Variants in NPAT observed in about 807,000 individuals in gnomAD.
NPAT encodes protein NPAT.
In NPAT, 52 loss-of-function variants were observed where a neutral mutation model predicts 130.7. That is an observed-to-expected ratio of 0.40 (90% confidence interval 0.32 to 0.50). The LOEUF (loss-of-function observed/expected upper bound fraction) is 0.50, where lower values mean the gene tolerates loss of function less well. Among genes scored for constraint, NPAT ranks in the 20% least tolerant of loss-of-function variants. The probability of loss-of-function intolerance (pLI) is 0.68; values close to 1 mark genes in which losing one functional copy is unlikely to be tolerated. For synonymous variants in NPAT, 580 were observed against 584.8 expected (o/e 0.99, Z 0.12); for missense variants, 1,687 against 1,662.6 (o/e 1.01, Z -0.26).
intron 2 of NPAT, 60 bp downstream of exon 2, chr11:108,197,242 G>T: frequency 2.6e-6 from 3 of 1,159,310 alleles, no homozygotes; most frequent in South Asian, 1.2e-5. Context: ...CTGATTTTAT[G>T]ACTATGTTTT....
intron 1 of NPAT, among the ~76,000 whole-genome samples, chr11:108,200,349 T>C (rs746194822): frequency 6.6e-6 from 1 of 152,196 alleles, no homozygotes; most frequent in African/African-American, 2.4e-5. Flanking sequence ...CCCTTAGTTA[T>C]AGTTGAGGGG....
intron 1 of NPAT, 161 bp downstream of exon 1, chr11:108,222,339 C>T (rs1249128481): frequency 2.5e-6 from 2 of 786,220 alleles, no homozygotes; most frequent in Non-Finnish European, 4.4e-6. Context: ...GCTTAAACTG[C>T]CCAGAACCTC....
chr11:108,192,763 G>A (rs533613232), intron 3 of NPAT, among the ~76,000 whole-genome samples: 1 of 152,280 alleles, frequency 6.6e-6, no homozygotes, highest in South Asian at 2.1e-4. Context: ...AGACCAACCT[G>A]GCCAACATAG....
At chr11:108,206,052 C>G (rs187340136) in intron 1 of NPAT, among the ~76,000 whole-genome samples, 2 of 152,084 alleles carry the variant, frequency 1.3e-5, no homozygotes, top group Admixed American at 1.3e-4. Flanking sequence ...CTCAAAAATA[C>G]ATAAATAAAT....
intron 15 of NPAT, 83 bp from the exon 16 acceptor site, chr11:108,162,263 A>G: frequency 7.8e-7 from 1 of 1,279,846 alleles, no homozygotes. Context: ...ATCACATATC[A>G]TGAGAAAAAA....
chr11:108,206,052 CATAA>C (rs984730056), intron 1 of NPAT, among the ~76,000 whole-genome samples: 2 of 152,084 alleles, frequency 1.3e-5, no homozygotes, highest in African/African-American at 2.4e-5. Context: ...CTCAAAAATA[CATAA>C]ATAAATAAAT....
In NPAT at chr11:108,173,233, A is replaced by G. The variant is rs2077971811; in HGVS notation, c.1751T>C (p.Val584Ala). The change falls in exon 13 of 18, where the codon GTG becomes GCG. Residue 584 changes from valine to alanine, a missense_variant. Val to Ala is a moderately conservative substitution (Grantham distance 64, BLOSUM62 0). Transcript: ENST00000278612. ...EVHKSKIEIN[V>A]LEPVMSQLSN... Reference sequence around the variant, plus strand: ...TAGCTGTGACATAACTGGTTCTAACACATTAATTTCTATTTTACTCTTGTG... The same window carrying G: ...TAGCTGTGACATAACTGGTTCTAACGCATTAATTTCTATTTTACTCTTGTG... The G allele has an allele frequency of 6.2e-7, 1 of 1,613,130 alleles. No individual in the cohort carries two copies. The highest frequency in any genetic ancestry group is 8.5e-7 in the Non-Finnish European group (1 of 1,179,440).
Position 108,172,417 on chromosome 11 carries a change from G to A in NPAT, c.2567C>T (p.Thr856Ile). The A allele has an allele frequency of 1.9e-6, 3 of 1,614,140 alleles. No homozygotes were observed. The highest frequency in any genetic ancestry group is 2.5e-6 in the Non-Finnish European group (3 of 1,179,966). ...ATTTGAATTGCCAAAAGCTGTGCTT[G>A]TGGCTGGCATCAACTGTATATATCC... Reference protein sequence around the residue: ...DGGYIQLMPATSTAFGNSNNI... With the variant: ...DGGYIQLMPAISTAFGNSNNI... Residue 856 changes from threonine (T) to isoleucine (I), a missense_variant, in exon 13 of 18, where the codon ACA becomes ATA. By Grantham distance (89) the Thr-to-Ile change is moderately conservative. Coordinates refer to ENST00000278612, the MANE Select transcript of NPAT (RefSeq NM_002519.3).
chr11:108,177,719 C>CTTT (rs11330167), intron 10 of NPAT, among the ~76,000 whole-genome samples: 2 of 151,062 alleles, frequency 1.3e-5, no homozygotes, highest in African/African-American at 2.4e-5. Flanking sequence ...ATAAAGTTCC[C>CTTT]TTTTTTTTTG....
intron 12 of NPAT, among the ~76,000 whole-genome samples, chr11:108,175,014 A>G (rs1232004602): frequency 2.0e-5 from 3 of 152,242 alleles, no homozygotes; most frequent in Admixed American, 6.5e-5. Flanking sequence ...TTTAAAAACC[A>G]GAACATTTAT....
intron 13 of NPAT, chr11:108,170,246 A>G: frequency 1.8e-6 from 1 of 545,034 alleles, no homozygotes; most frequent in Non-Finnish European, 3.3e-6. Flanking sequence ...CAGCAAGGCT[A>G]ACAAATTAAG....
At chr11:108,188,636 T>A (rs1489544687) in intron 6 of NPAT, among the ~76,000 whole-genome samples, 1 of 152,184 alleles carries the variant, frequency 6.6e-6, no homozygotes, top group South Asian at 2.1e-4. Context: ...TTCAGAAGTT[T>A]CAAGTATGCA....
At chr11:108,189,888 A>G (rs1457702910) in intron 5 of NPAT, among the ~76,000 whole-genome samples, 2 of 151,646 alleles carry the variant, frequency 1.3e-5, no homozygotes, top group Non-Finnish European at 2.9e-5. Context: ...AAAAAAACAA[A>G]AAACAAGAAA....
chr11:108,172,545 ACT>A lies in NPAT; in HGVS notation c.2437_2438del (p.Leu814PhefsTer6), dbSNP rs746517828. The A allele has an allele frequency of 1.9e-6, 3 of 1,613,920 alleles. No individual in the cohort carries two copies. The highest frequency in any genetic ancestry group is 1.3e-5 in the African/African-American group (1 of 74,878). ...EVGDSASMEQ[S>X]LLTFKSEDSA... is the part of the protein sequence containing the mutation. ...AGTCTTCAGATTTGAATGTTAAAAGACTCTGTTCCATTGAGGCTGAATCCCCT... is the reference window on the plus strand; with the variant it reads ...AGTCTTCAGATTTGAATGTTAAAAGACTGTTCCATTGAGGCTGAATCCCCT... On this transcript the variant is annotated frameshift_variant, in exon 13 of 18. Coordinates refer to ENST00000278612, the MANE Select transcript of NPAT (RefSeq NM_002519.3). LOFTEE classifies it high-confidence loss of function.
rs2077817446 is a variant in NPAT at position 108,158,669 on chromosome 11, T to C, written c.*273A>G. On this transcript the variant is annotated 3_prime_UTR_variant, in exon 18 of 18. Transcript: ENST00000278612. ...CTATTTCAACAAGATTTACACAGTA[T>C]TTACAATATGGAATTGTCAAAGCTA... The C allele has an allele frequency of 2.8e-6, 1 of 360,982 alleles. No homozygotes were observed. The highest frequency in any genetic ancestry group is 2.1e-5 in the African/African-American group (1 of 47,484). The allele number at this position is 360,982 out of a possible 1,614,324, so 22.4% of individuals were successfully genotyped here.
intron 1 of NPAT, among the ~76,000 whole-genome samples, chr11:108,209,030 A>G (rs2078357382): frequency 6.6e-6 from 1 of 152,240 alleles, no homozygotes; most frequent in African/African-American, 2.4e-5. Context: ...CTGTAATCCC[A>G]GCACGTTGGG....
intron 15 of NPAT, among the ~76,000 whole-genome samples, chr11:108,163,134 C>A (rs1274234658): frequency 6.6e-6 from 1 of 152,044 alleles, no homozygotes; most frequent in East Asian, 1.9e-4. Context: ...GGCTGGAGTG[C>A]AATGGCATGA....
intron 1 of NPAT, among the ~76,000 whole-genome samples, chr11:108,199,420 G>A (rs993916578): frequency 1.3e-5 from 2 of 152,238 alleles, no homozygotes; most frequent in African/African-American, 4.8e-5. Flanking sequence ...GGCCCAGGCA[G>A]GCGCGCCACA....
intron 15 of NPAT, among the ~76,000 whole-genome samples, chr11:108,164,802 A>G (rs2077885527): frequency 6.6e-6 from 1 of 152,152 alleles, no homozygotes; most frequent in African/African-American, 2.4e-5. Context: ...ACCTGAGGTC[A>G]GGAGTTCGAG....
Sources: gnomAD v4.1 joint callset for allele counts (sites outside exome capture counted in the v4.1 genomes callset) on GRCh38, gnomAD v4.1.1 for gene constraint, MANE v1.5 for transcripts, NCBI Gene and HGNC (gene_info 2026-07-23, HGNC 2026-07-21) for gene names.